Variants in TLN2 observed in about 807,000 individuals in gnomAD.
TLN2 encodes talin 2.
In TLN2, 118 loss-of-function variants were observed where a neutral mutation model predicts 294.7. That is an observed-to-expected ratio of 0.40 (90% CI 0.34 to 0.47). The LOEUF (loss-of-function observed/expected upper bound fraction) is 0.47, where lower values mean the gene tolerates loss of function less well. TLN2 is among the 20% of genes least tolerant of loss of function. TLN2 has a pLI of 0.84. For synonymous variants in TLN2, 1,431 were observed against 1,304.5 expected (o/e 1.10, Z -2.09); for missense variants, 3,083 against 3,282.2 (o/e 0.94, Z 1.48).
At chr15:62,581,695 A>G (rs1350742141) in intron 1 of TLN2, among the ~76,000 whole-genome samples, 1 of 152,170 alleles carries the variant, frequency 6.6e-6, no homozygotes, top group African/African-American at 2.4e-5. Flanking sequence ...TCCCTAGTTG[A>G]CAACAGACCA....
chr15:62,815,909 A>G (rs1171569421), intron 52 of TLN2, among the ~76,000 whole-genome samples: 4 of 152,158 alleles, frequency 2.6e-5, no homozygotes, highest in Non-Finnish European at 5.9e-5. Flanking sequence ...ACAGATGCCA[A>G]TGACTATCAT....
chr15:62,606,792 T>C (rs1179109179), intron 2 of TLN2, among the ~76,000 whole-genome samples: 1 of 147,524 alleles, frequency 6.8e-6, no homozygotes, highest in Admixed American at 6.7e-5. Flanking sequence ...CTGTGTAGAT[T>C]GTAGTGTCAG....
chr15:62,392,791 G>C (rs887507542), intron 1 of TLN2, among the ~76,000 whole-genome samples: 1 of 152,166 alleles, frequency 6.6e-6, no homozygotes, highest in Admixed American at 6.5e-5. Context: ...AGGCTTTCCT[G>C]TGGGAGATGT....
At chr15:62,551,416 A>T (rs1213196153) in intron 1 of TLN2, among the ~76,000 whole-genome samples, 1 of 152,118 alleles carries the variant, frequency 6.6e-6, no homozygotes, top group Non-Finnish European at 1.5e-5. Context: ...TCACGCCTGT[A>T]ATCTCAGCAC....
chr15:62,558,369 C>T (rs1441109443), intron 1 of TLN2, among the ~76,000 whole-genome samples: 1 of 152,102 alleles, frequency 6.6e-6, no homozygotes, highest in African/African-American at 2.4e-5. Context: ...TAAGGACCTG[C>T]TTGTATCTTA....
At chr15:62,436,106 C>T (rs2456929) in intron 1 of TLN2, among the ~76,000 whole-genome samples, 78,857 of 151,638 alleles carry the variant, frequency 0.52, 22,446 homozygotes, top group East Asian at 0.76. Context: ...TTGCTTTCTG[C>T]ATCACAGATG....
chr15:62,470,796 A>G (rs1223258135), intron 1 of TLN2, among the ~76,000 whole-genome samples: 1 of 152,250 alleles, frequency 6.6e-6, no homozygotes, highest in African/African-American at 2.4e-5. Flanking sequence ...TTCCCTGCAG[A>G]CAATAGTAGT....
Position 62,771,005 on chromosome 15 carries a change from C to T in TLN2, c.5238C>T (p.Ala1746=), listed in dbSNP as rs200925755. The change falls in exon 42 of 59, where the codon GCC becomes GCT. Residue 1746 remains alanine, a synonymous_variant. Transcript: ENST00000636159. ...GCTATTTTGAGCCCTTGATCTTAGC[C>T]GCAGTTGGTGTGGCCTCCAAGATTC... The part of the protein sequence containing the change: ...LASYFEPLIL[A]AVGVASKILD... 1.4e-4 allele frequency: 224 copies of T among 1,613,036 alleles called. 2 individuals are homozygous for T. In the East Asian group the frequency reaches 3.6e-3, roughly 26 times the overall value.
chr15:62,689,065 TCTC>T (rs202040415), intron 12 of TLN2, among the ~76,000 whole-genome samples: 51 of 146,694 alleles, frequency 3.5e-4, no homozygotes, highest in African/African-American at 1.1e-3. Flanking sequence ...TATTTCTCTC[TCTC>T]TTTTTTTTTT....
At chr15:62,446,670 C>CG (rs2035838487) in intron 1 of TLN2, among the ~76,000 whole-genome samples, 1 of 87,652 alleles carries the variant, frequency 1.1e-5, no homozygotes, top group South Asian at 5.3e-4. Flanking sequence ...TGATTTTAAA[C>CG]ATTTTTTTGT....
chr15:62,704,193 A>G (rs1409000406), intron 19 of TLN2, among the ~76,000 whole-genome samples: 1 of 152,152 alleles, frequency 6.6e-6, no homozygotes, highest in Admixed American at 6.5e-5. Flanking sequence ...AATCACAAAA[A>G]ATTACGAACT....
intron 9 of TLN2, among the ~76,000 whole-genome samples, chr15:62,666,802 A>G (rs1197749285): frequency 6.6e-6 from 1 of 152,148 alleles, no homozygotes; most frequent in Non-Finnish European, 1.5e-5. Context: ...ATTCAAATCC[A>G]AGTGTGTTTG....
chr15:62,714,209 C>A (rs77725961), intron 22 of TLN2, among the ~76,000 whole-genome samples: 21 of 62,282 alleles, frequency 3.4e-4, no homozygotes, highest in East Asian at 2.0e-3. Context: ...TTTTTTTTTT[C>A]TTTTTTTTTT....
intron 1 of TLN2, among the ~76,000 whole-genome samples, chr15:62,460,890 G>A (rs1018674442): frequency 4.6e-5 from 7 of 151,952 alleles, no homozygotes; most frequent in Admixed American, 6.6e-5. Flanking sequence ...CTGGTGCACC[G>A]CCTTCCCACA....
chr15:62,652,211 T>G, intron 6 of TLN2, 77 bp downstream of exon 6: 1 of 1,407,384 alleles, frequency 7.1e-7, no homozygotes, highest in Non-Finnish European at 9.4e-7. Context: ...CCACCTGCAT[T>G]TGATCTCTAG....
Position 62,762,428 on chromosome 15 carries a change from A to C in TLN2, c.4936A>C (p.Ile1646Leu). 1 of 1,614,136 alleles carries C rather than the reference A, an allele frequency of 6.2e-7. No homozygotes were observed. The highest frequency in any genetic ancestry group is 8.5e-7 in the Non-Finnish European group (1 of 1,180,026). ...AGHSHTVSDS[I>L]KSLITSIRDK... ...ACATTCCCATACAGTGTCCGACTCCATCAAGAGTCTCATCACTTCTATCAG... is the reference window on the plus strand; with the variant it reads ...ACATTCCCATACAGTGTCCGACTCCCTCAAGAGTCTCATCACTTCTATCAG... The change falls in exon 39 of 59, where the codon ATC becomes CTC. Residue 1646 changes from isoleucine to leucine, a missense_variant. Coordinates refer to ENST00000636159, the MANE Select transcript of TLN2 (RefSeq NM_015059.3).
chr15:62,554,478 A>G (rs186999547), intron 1 of TLN2, among the ~76,000 whole-genome samples: 1 of 151,898 alleles, frequency 6.6e-6, no homozygotes, highest in East Asian at 1.9e-4. Context: ...AAGAGATACT[A>G]AAATGTTCAC....
chr15:62,519,669 T>C, intron 1 of TLN2, among the ~76,000 whole-genome samples: 1 of 152,196 alleles, frequency 6.6e-6, no homozygotes, highest in Non-Finnish European at 1.5e-5. Flanking sequence ...CAGTGGTGTA[T>C]GCAGAAGGAA....
At chr15:62,831,895 CTGACTT>C (rs1485754673) in intron 54 of TLN2, 1 of 152,214 alleles carries the variant, frequency 6.6e-6, no homozygotes, top group East Asian at 1.9e-4. Flanking sequence ...CGTTAGCAAG[CTGACTT>C]TGAACCTCTG....
Sources: allele counts gnomAD v4.1 joint callset (sites outside exome capture counted in the v4.1 genomes callset), GRCh38; gene constraint gnomAD v4.1.1; transcripts MANE v1.5; gene names NCBI Gene and HGNC (gene_info 2026-07-23, HGNC 2026-07-21).